Variants in TRIM27 observed in about 807,000 individuals in gnomAD.
TRIM27 encodes the protein zinc finger protein RFP.
TRIM27 carries 12 observed loss-of-function variants against 57.6 expected under a neutral mutation model. The ratio of observed to expected loss-of-function variants is 0.21; its 90% CI spans 0.13 to 0.34. TRIM27 has a LOEUF of 0.34. Among genes scored for constraint, TRIM27 ranks in the 10% least tolerant of loss-of-function variants. The pLI, the probability that TRIM27 is intolerant of heterozygous loss-of-function variation, is 1.00. For missense variants in TRIM27, 403 were observed against 656.8 expected (o/e 0.61, Z 4.22); for synonymous variants, 266 against 259.0 (o/e 1.03, Z -0.26).
rs148081035 is a variant in TRIM27 at position 28,913,711 on chromosome 6, C to T, written c.748-1993G>A. On this transcript the variant is annotated intron_variant, in intron 3 of 7. Transcript: ENST00000377199. ...ATAAGTACAGCTGAGCATTTTTTCA[C>T]ATGTTCACAAAGCAATTTATGTCTT... Among the ~76,000 whole-genome samples the T allele has an allele frequency of 5.9e-4, 90 of 152,176 alleles. 1 individual carries two copies. The East Asian group carries it at 0.014, about 23-fold the overall frequency.
chr6:28,919,610 G>A (rs940416837), intron 3 of TRIM27, among the ~76,000 whole-genome samples: 1 of 152,112 alleles, frequency 6.6e-6, no homozygotes, highest in Non-Finnish European at 1.5e-5. Flanking sequence ...TTGTTTTGTG[G>A]CTATAGTAAT....
chr6:28,907,534 G>T (rs1198256538), intron 6 of TRIM27: 1 of 668,622 alleles, frequency 1.5e-6, no homozygotes, highest in African/African-American at 1.8e-5. Context: ...CCAAGATCAA[G>T]AATTCCACCT....
chr6:28,910,630 T>C (rs919381984), intron 4 of TRIM27, among the ~76,000 whole-genome samples: 7 of 152,184 alleles, frequency 4.6e-5, no homozygotes, highest in African/African-American at 1.7e-4. Context: ...GCACCCAACC[T>C]GCACATTTCT....
At position 28,916,796 on chromosome 6, in the gene TRIM27, A is replaced by G. The variant is rs1773645319; in HGVS notation, c.747+3216T>C. Reference sequence around the variant, plus strand: ...ATGCTACTTTGTGCCAGAGTTTTACACTTTAAAATGGTGAAATTTAGGTTA... The same window carrying G: ...ATGCTACTTTGTGCCAGAGTTTTACGCTTTAAAATGGTGAAATTTAGGTTA... On this transcript the variant is annotated intron_variant, in intron 3 of 7. Transcript: ENST00000377199. Among the ~76,000 whole-genome samples, 4 of 152,106 alleles carry G rather than the reference A, an allele frequency of 2.6e-5. No individual in the cohort carries two copies. In the South Asian group the frequency reaches 8.3e-4, roughly 31 times the overall value.
rs546684721 is a variant in TRIM27, at chr6:28,913,680, CTTATTA to C, written c.748-1968_748-1963del. Among the ~76,000 whole-genome samples, 566 of 152,166 alleles carry C rather than the reference CTTATTA, an allele frequency of 3.7e-3. 4 individuals carry two copies. The highest frequency in any genetic ancestry group is 6.5e-3 in the Non-Finnish European group (443 of 68,010). On this transcript the variant is annotated intron_variant, in intron 3 of 7. Coordinates refer to ENST00000377199, the MANE Select transcript of TRIM27 (RefSeq NM_006510.5). ...TAGTGTGGTTTTAGTTTGCATTTCT[CTTATTA>C]TAAGTACAGCTGAGCATTTTTTCAC... is the stretch of plus-strand genomic sequence containing the variant.
chr6:28,918,350 C>A (rs1417870513), intron 3 of TRIM27, among the ~76,000 whole-genome samples: 3 of 151,896 alleles, frequency 2.0e-5, no homozygotes, highest in Non-Finnish European at 4.4e-5. Flanking sequence ...ATTCACCTGA[C>A]CTAGTCACTA....
At chr6:28,920,942 G>A (rs943416658) in intron 2 of TRIM27, among the ~76,000 whole-genome samples, 2 of 152,114 alleles carry the variant, frequency 1.3e-5, no homozygotes, top group Non-Finnish European at 2.9e-5. Context: ...TTCACCAACT[G>A]CTGTCTCTAG....
At chr6:28,920,834 G>A (rs1411189419) in intron 2 of TRIM27, among the ~76,000 whole-genome samples, 3 of 152,128 alleles carry the variant, frequency 2.0e-5, no homozygotes, top group Non-Finnish European at 2.9e-5. Context: ...TCAGATATGT[G>A]CCCTATGGAG....
chr6:28,908,527 G>A (rs1050765144), intron 6 of TRIM27: 1 of 433,082 alleles, frequency 2.3e-6, no homozygotes, highest in Non-Finnish European at 4.0e-6. Flanking sequence ...TCTTTCCGAA[G>A]TAAACAATCA....
chr6:28,917,929 C>T lies in TRIM27; in HGVS notation c.747+2083G>A, dbSNP rs564931591. Among the ~76,000 whole-genome samples the T allele has an allele frequency of 1.4e-4, 22 of 151,832 alleles. No homozygotes were observed. In the East Asian group the frequency reaches 3.1e-3, roughly 22 times the overall value. ...GCAACCATCGTCTCACTGGTTCAAG[C>T]GATTCTCCTGCCTCAGCCTCCTGAG... On this transcript the variant is annotated intron_variant, in intron 3 of 7. Transcript: ENST00000377199.
At chr6:28,910,123 G>GAAAAAAAAAAAAAAAAAAAAAAAAAAGA (rs9278120) in intron 4 of TRIM27, among the ~76,000 whole-genome samples, 1 of 97,618 alleles carries the variant, frequency 1.0e-5, no homozygotes, top group Non-Finnish European at 2.2e-5. Context: ...AAAGAAAAAT[G>GAAAAAAAAAAAAAAAAAAAAAAAAAAGA]AAAAAAAAAA....
intron 2 of TRIM27, among the ~76,000 whole-genome samples, chr6:28,921,454 G>A (rs1774026179): frequency 6.6e-6 from 1 of 152,092 alleles, no homozygotes; most frequent in African/African-American, 2.4e-5. Flanking sequence ...CTTGAGACTG[G>A]AGGAAGAGGG....
At chr6:28,920,476 G>T (rs557559001) in intron 2 of TRIM27, among the ~76,000 whole-genome samples, 1 of 152,238 alleles carries the variant, frequency 6.6e-6, no homozygotes, top group African/African-American at 2.4e-5. Context: ...AGTGAGTCAG[G>T]TTCATATGAT....
intron 1 of TRIM27, among the ~76,000 whole-genome samples, chr6:28,922,946 TC>T (rs1395907454): frequency 6.6e-6 from 1 of 152,160 alleles, no homozygotes; most frequent in African/African-American, 2.4e-5. Context: ...AAAGGATGTC[TC>T]CGTGTACAAT....
Position 28,903,952 on chromosome 6 carries a change from C to T in TRIM27, c.*118G>A. On this transcript the variant is annotated 3_prime_UTR_variant, in exon 8 of 8. Coordinates refer to ENST00000377199, the MANE Select transcript of TRIM27 (RefSeq NM_006510.5). ...AACATGGACATCCTGTCTCCCACTGCAAGGGCGTGGAACATGGTAAGGATA... is the reference window on the plus strand; with the variant it reads ...AACATGGACATCCTGTCTCCCACTGTAAGGGCGTGGAACATGGTAAGGATA... 1 of 773,280 alleles carries T rather than the reference C, an allele frequency of 1.3e-6. No homozygotes were observed. Among genetic ancestry groups the T allele is most frequent in the South Asian group, 1.7e-5 (1 of 59,216 alleles). The allele number at this position is 773,280 out of a possible 1,614,324, so 47.9% of individuals were successfully genotyped here. A position where few individuals can be genotyped will look rare whatever the true frequency, so the allele number is the denominator to read the frequency against.
Position 28,903,770 on chromosome 6 carries a change from A to G in TRIM27, c.*300T>C. Reference sequence around the variant, plus strand: ...CTGGAAGTATCTTGAACGGCTCTCCAAATCCAAAGATTATCCATACTCTTT... The same window carrying G: ...CTGGAAGTATCTTGAACGGCTCTCCGAATCCAAAGATTATCCATACTCTTT... On this transcript the variant is annotated 3_prime_UTR_variant, in exon 8 of 8. Coordinates refer to ENST00000377199, the MANE Select transcript of TRIM27 (RefSeq NM_006510.5). 1 of 403,222 alleles carries G rather than the reference A, an allele frequency of 2.5e-6. No homozygotes were observed. The allele number at this position is 403,222 out of a possible 1,614,324, so 25.0% of individuals were successfully genotyped here.
chr6:28,908,826 C>T lies in TRIM27; in HGVS notation c.901G>A (p.Asp301Asn). The change falls in exon 6 of 8, where the codon GAT becomes AAT. Residue 301 changes from aspartate (D) to asparagine (N), a missense_variant. By Grantham distance (23) the Asp-to-Asn change is conservative. Coordinates refer to ENST00000377199, the MANE Select transcript of TRIM27 (RefSeq NM_006510.5). ...AATTTACCTTGGATTTTCTCCATAT[C>T]TGACTGCATTTTTTCTAAGAAAAGA... The part of the protein sequence containing the change: ...LKQFTEKMQS[D>N]MEKIQELREA... 6.2e-7 allele frequency: 1 copy of T among 1,613,860 alleles called. No homozygotes were observed. The highest frequency in any genetic ancestry group is 8.5e-7 in the Non-Finnish European group (1 of 1,179,866).
intron 3 of TRIM27, among the ~76,000 whole-genome samples, chr6:28,914,580 G>GT (rs1220755417): frequency 2.1e-5 from 2 of 96,364 alleles, no homozygotes; most frequent in African/African-American, 4.2e-5. Flanking sequence ...AATTGCAAGG[G>GT]TGGGGGGGGG....
rs184466491 is a variant in TRIM27 at position 28,909,507 on chromosome 6, T to C, written c.771-419A>G. ...ACGGACAGTCTTTAAAATCAGCCAC[T>C]ACAGCTTTTCCCACCTTCTCTTCCT... is the stretch of plus-strand genomic sequence containing the variant. On this transcript the variant is annotated intron_variant, in intron 4 of 7. Transcript: ENST00000377199. Among the ~76,000 whole-genome samples, 136 of 152,344 alleles carry C rather than the reference T, an allele frequency of 8.9e-4. 1 individual carries two copies. The highest frequency in any genetic ancestry group is 1.0e-3 in the Admixed American group (16 of 15,296).
Sources: gnomAD v4.1 joint callset for allele counts (sites outside exome capture counted in the v4.1 genomes callset) on GRCh38, gnomAD v4.1.1 for gene constraint, MANE v1.5 for transcripts, NCBI Gene and HGNC (gene_info 2026-07-23, HGNC 2026-07-21) for gene names.